MYO3B: variants seen among roughly 807,000 people sequenced by gnomAD.
The protein encoded by MYO3B is myosin IIIB.
Under a neutral mutation model 174.6 loss-of-function variants are expected in MYO3B, and 156 were observed. That is an observed-to-expected ratio of 0.89 (90% CI 0.78 to 1.02). The LOEUF (loss-of-function observed/expected upper bound fraction) is 1.02, where lower values mean the gene tolerates loss of function less well. Ranked by LOEUF, MYO3B falls within the 50% of genes least tolerant of loss-of-function variation. MYO3B has a pLI of 0.00. For missense variants in MYO3B, 1,632 were observed against 1,639.4 expected, an observed-to-expected ratio of 1.00 and a Z score of 0.08; for synonymous variants, 563 against 569.1, an observed-to-expected ratio of 0.99 and a Z score of 0.15.
chr2:170,329,149 CT>C (rs2093891748), intron 7 of MYO3B, among the ~76,000 whole-genome samples: 1 of 137,404 alleles, frequency 7.3e-6, no homozygotes, highest in African/African-American at 3.3e-5. Flanking sequence ...GAGACTCTGT[CT>C]CCAAAAAAAA....
chr2:170,309,216 G>C (rs2093721274), intron 7 of MYO3B, among the ~76,000 whole-genome samples: 1 of 152,152 alleles, frequency 6.6e-6, no homozygotes, highest in Non-Finnish European at 1.5e-5. Context: ...AAGTTGGCTA[G>C]GGACACTCAG....
intron 23 of MYO3B, among the ~76,000 whole-genome samples, chr2:170,455,635 T>C (rs555549553): frequency 2.0e-5 from 3 of 152,350 alleles, no homozygotes; most frequent in Non-Finnish European, 2.9e-5. Flanking sequence ...AAACACTCAA[T>C]AGATACTGTA....
At chr2:170,186,722 G>A (rs973281661) in intron 1 of MYO3B, among the ~76,000 whole-genome samples, 3 of 152,110 alleles carry the variant, frequency 2.0e-5, no homozygotes, top group Non-Finnish European at 4.4e-5. Flanking sequence ...TAAATGTTTA[G>A]TAAAATTCAG....
intron 15 of MYO3B, 120 bp downstream of exon 15, chr2:170,391,738 GCC>G: frequency 1.6e-6 from 1 of 630,618 alleles, no homozygotes; most frequent in Non-Finnish European, 2.8e-6. Context: ...TAACTAAAGT[GCC>G]CAGGGTGAGG....
At chr2:170,598,208 G>A (rs764187797) in intron 32 of MYO3B, among the ~76,000 whole-genome samples, 13 of 152,182 alleles carry the variant, frequency 8.5e-5, no homozygotes, top group East Asian at 1.9e-4. Context: ...TGGAGAAAAC[G>A]CAGTGCTCCT....
At chr2:170,510,047 G>T (rs1575094969) in intron 28 of MYO3B, among the ~76,000 whole-genome samples, 1 of 152,200 alleles carries the variant, frequency 6.6e-6, no homozygotes, top group African/African-American at 2.4e-5. Flanking sequence ...GTGACAGCTG[G>T]TAGCCATTCT....
intron 32 of MYO3B, among the ~76,000 whole-genome samples, chr2:170,628,961 A>T (rs941300870): frequency 6.6e-5 from 10 of 152,264 alleles, no homozygotes; most frequent in Middle Eastern, 3.4e-3. Context: ...CTTACATCCT[A>T]TGAAAACCAA....
intron 22 of MYO3B, among the ~76,000 whole-genome samples, chr2:170,414,440 G>A (rs1042178632): frequency 1.3e-5 from 2 of 152,134 alleles, no homozygotes; most frequent in South Asian, 4.1e-4. Context: ...ACCCACCTCA[G>A]CCTCCCAAAG....
intron 22 of MYO3B, among the ~76,000 whole-genome samples, chr2:170,411,543 T>C (rs1484067243): frequency 6.6e-6 from 1 of 152,236 alleles, no homozygotes; most frequent in Non-Finnish European, 1.5e-5. Context: ...CCAGTTTATA[T>C]GCAGTCCATT....
rs554013302 is a variant in MYO3B at position 170,617,500 on chromosome 2, A to T, written c.3734-34128A>T. 2.6e-5 allele frequency among the ~76,000 whole-genome samples: 4 copies of T among 152,364 alleles called. No individual in the cohort carries two copies. In the South Asian group the frequency reaches 6.2e-4, roughly 24 times the overall value. On this transcript the variant is annotated intron_variant, in intron 32 of 34. Coordinates refer to ENST00000408978, the MANE Select transcript of MYO3B (RefSeq NM_138995.5). ...GTGGTATAGTTTTGTTGGACTCCAT[A>T]TAGAGAGTATATACATTTTGAGGTG...
At chr2:170,276,514 G>T (rs192576404) in intron 7 of MYO3B, among the ~76,000 whole-genome samples, 2 of 152,206 alleles carry the variant, frequency 1.3e-5, no homozygotes, top group East Asian at 3.9e-4. Flanking sequence ...TAACCGTCCT[G>T]CCATCTTAAT....
chr2:170,650,628 GT>G (rs1475926354), intron 32 of MYO3B, among the ~76,000 whole-genome samples: 3 of 145,530 alleles, frequency 2.1e-5, no homozygotes, highest in African/African-American at 7.5e-5. Flanking sequence ...CAAAAGGACA[GT>G]AGATCCAAAA....
intron 7 of MYO3B, among the ~76,000 whole-genome samples, chr2:170,319,682 A>G (rs2093801408): frequency 6.6e-6 from 1 of 152,230 alleles, no homozygotes; most frequent in Non-Finnish European, 1.5e-5. Flanking sequence ...GAAAATCTCA[A>G]CAAACCCAAA....
chr2:170,652,439 TA>T (rs1269742283), intron 34 of MYO3B, among the ~76,000 whole-genome samples: 1 of 152,158 alleles, frequency 6.6e-6, no homozygotes, highest in Non-Finnish European at 1.5e-5. Context: ...GTGGGTTATA[TA>T]AAATTCTCCT....
intron 25 of MYO3B, among the ~76,000 whole-genome samples, chr2:170,483,375 CTTTTTTTTTTTT>C (rs61527598): frequency 3.2e-5 from 2 of 62,098 alleles, no homozygotes; most frequent in Non-Finnish European, 5.8e-5. Flanking sequence ...CTTGGGGATT[CTTTTTTTTTTTT>C]TTTTTTTTTT....
At chr2:170,547,374 C>T (rs906150741) in intron 32 of MYO3B, among the ~76,000 whole-genome samples, 8 of 151,624 alleles carry the variant, frequency 5.3e-5, no homozygotes, top group Non-Finnish European at 5.9e-5. Context: ...CCATGTGGTC[C>T]GGCTTATTGC....
Position 170,653,922 on chromosome 2 carries a change from C to T in MYO3B, c.*801C>T, listed in dbSNP as rs1286795652. 1 of 152,206 alleles carries T rather than the reference C, an allele frequency of 6.6e-6. No individual in the cohort carries two copies. The allele number at this position is 152,206 out of a possible 1,614,324, so 9.4% of individuals were successfully genotyped here. A position where few individuals can be genotyped will look rare whatever the true frequency, so the allele number is the denominator to read the frequency against. The stretch of plus-strand genomic sequence containing the variant: ...TCTCCATTCACTGGTCAAATAACTC[C>T]ATGAGGCTATCAGTGGCTACAGTGG... On this transcript the variant is annotated 3_prime_UTR_variant, in exon 35 of 35. Coordinates refer to ENST00000408978, the MANE Select transcript of MYO3B (RefSeq NM_138995.5).
At chr2:170,226,781 G>A (rs1402100346) in intron 6 of MYO3B, among the ~76,000 whole-genome samples, 1 of 152,170 alleles carries the variant, frequency 6.6e-6, no homozygotes, top group East Asian at 1.9e-4. Context: ...AGTGAGAAGT[G>A]CTAAGCCAGA....
At chr2:170,391,188 A>G (rs1015811382) in intron 14 of MYO3B, among the ~76,000 whole-genome samples, 1 of 152,070 alleles carries the variant, frequency 6.6e-6, no homozygotes, top group Non-Finnish European at 1.5e-5. Context: ...GCTGGACCTC[A>G]CTGTCTCTGA....
Sources: allele counts gnomAD v4.1 joint callset (sites outside exome capture counted in the v4.1 genomes callset), GRCh38; gene constraint gnomAD v4.1.1; transcripts MANE v1.5; gene names NCBI Gene and HGNC (gene_info 2026-07-23, HGNC 2026-07-21).